ATG7: variants seen among roughly 807,000 people sequenced by gnomAD.
ATG7 encodes autophagy related 7.
Under a neutral mutation model 82.4 loss-of-function variants are expected in ATG7, and 70 were observed. That is an observed-to-expected ratio of 0.85 (90% CI 0.70 to 1.04). ATG7 has a LOEUF of 1.04. ATG7 is among the 50% of genes least tolerant of loss of function. The probability of loss-of-function intolerance (pLI) is 0.00; values close to 1 mark genes in which losing one functional copy is unlikely to be tolerated. For synonymous variants in ATG7, 287 were observed against 313.0 expected, an observed-to-expected ratio of 0.92 and a Z score of 0.88; for missense variants, 792 against 864.3, an observed-to-expected ratio of 0.92 and a Z score of 1.05.
chr3:11,395,644 G>A (rs367900538), intron 19 of ATG7, among the ~76,000 whole-genome samples: 5 of 152,108 alleles, frequency 3.3e-5, no homozygotes, highest in South Asian at 2.1e-4. Context: ...AGATAATACC[G>A]TTCAAGAATG....
chr3:11,324,975 T>G (rs1950662969), intron 9 of ATG7, among the ~76,000 whole-genome samples: 1 of 152,242 alleles, frequency 6.6e-6, no homozygotes. Flanking sequence ...CATAAGATTA[T>G]AATACTGTAT....
intron 20 of ATG7, among the ~76,000 whole-genome samples, chr3:11,521,501 C>T (rs2092440963): frequency 6.6e-6 from 1 of 151,846 alleles, no homozygotes; most frequent in African/African-American, 2.4e-5. Flanking sequence ...CCCTGGTCTG[C>T]TGCCAGGGCT....
downstream of ATG7, chr3:11,559,532 C>T: frequency 6.9e-7 from 1 of 1,447,178 alleles, no homozygotes; most frequent in Non-Finnish European, 9.1e-7. Context: ...TCCCCAGCAC[C>T]CTTCAGGCTC....
intron 11 of ATG7, among the ~76,000 whole-genome samples, chr3:11,333,494 C>A (rs1472689917): frequency 6.6e-6 from 1 of 152,082 alleles, no homozygotes; most frequent in African/African-American, 2.4e-5. Context: ...TATAGTAAAC[C>A]AGTCAGGAAA....
chr3:11,526,533 T>C (rs2092583300), intron 20 of ATG7, among the ~76,000 whole-genome samples: 1 of 152,212 alleles, frequency 6.6e-6, no homozygotes, highest in South Asian at 2.1e-4. Context: ...TCTACTACAT[T>C]TTGTCAAAGT....
intron 20 of ATG7, among the ~76,000 whole-genome samples, chr3:11,476,852 A>T (rs1159557154): frequency 6.6e-6 from 1 of 152,226 alleles, no homozygotes; most frequent in Non-Finnish European, 1.5e-5. Flanking sequence ...TGATCAAAAC[A>T]TGACTCCACT....
At chr3:11,305,974 A>G (rs1417998582) in intron 5 of ATG7, among the ~76,000 whole-genome samples, 1 of 152,240 alleles carries the variant, frequency 6.6e-6, no homozygotes, top group African/African-American at 2.4e-5. Context: ...GTAGGCTACT[A>G]ATGAAATGAA....
At chr3:11,426,712 T>C in intron 19 of ATG7, 92 bp from the exon 20 acceptor site, 1 of 1,255,578 alleles carries the variant, frequency 8.0e-7, no homozygotes, top group Non-Finnish European at 1.1e-6. Context: ...ATTTTAATTT[T>C]ATTTTTGACA....
At chr3:11,378,684 CCAAAA>C (rs1456992540) in intron 18 of ATG7, among the ~76,000 whole-genome samples, 1 of 23,002 alleles carries the variant, frequency 4.3e-5, no homozygotes, top group African/African-American at 1.2e-4. Context: ...GACTCCATCT[CCAAAA>C]AAAAAAAAAA....
At chr3:11,522,930 C>G (rs2092479426) in intron 20 of ATG7, among the ~76,000 whole-genome samples, 1 of 152,174 alleles carries the variant, frequency 6.6e-6, no homozygotes, top group South Asian at 2.1e-4. Flanking sequence ...CTACCAGCCG[C>G]ATGACCTCAA....
chr3:11,454,230 C>G (rs1308610935), intron 20 of ATG7, among the ~76,000 whole-genome samples: 1 of 152,176 alleles, frequency 6.6e-6, no homozygotes, highest in Non-Finnish European at 1.5e-5. Flanking sequence ...GTCTCACTCT[C>G]ATCCCATGTT....
intron 20 of ATG7, among the ~76,000 whole-genome samples, chr3:11,475,299 G>C (rs1037111925): frequency 1.3e-5 from 2 of 152,068 alleles, no homozygotes; most frequent in Non-Finnish European, 2.9e-5. Flanking sequence ...CACCCACAAA[G>C]CCCCTATCCA....
chr3:11,306,780 T>G (rs1029382456), intron 5 of ATG7, among the ~76,000 whole-genome samples, 163 bp from the exon 6 acceptor site: 2 of 152,146 alleles, frequency 1.3e-5, no homozygotes, highest in Non-Finnish European at 2.9e-5. Context: ...GTTTTTTAGT[T>G]CTTGAGTTAT....
At chr3:11,277,812 G>A (rs1942137258) in intron 1 of ATG7, among the ~76,000 whole-genome samples, 1 of 149,700 alleles carries the variant, frequency 6.7e-6, no homozygotes, top group South Asian at 2.1e-4. Context: ...AAGCTTGAGG[G>A]TACTGCAGGA....
intron 20 of ATG7, among the ~76,000 whole-genome samples, chr3:11,458,703 A>G (rs2085999288): frequency 1.3e-5 from 2 of 152,258 alleles, no homozygotes; most frequent in African/African-American, 4.8e-5. Context: ...CTATGAAAAT[A>G]AACGCACAGG....
rs138747256 is a variant in ATG7 at position 11,472,069 on chromosome 3, A to G, written c.2079+45143A>G. Among the ~76,000 whole-genome samples the G allele has an allele frequency of 6.5e-3, 993 of 152,272 alleles. 8 individuals carry two copies. The highest frequency in any genetic ancestry group is 0.021 in the African/African-American group (861 of 41,560). On this transcript the variant is annotated intron_variant, in intron 20 of 20. Transcript: ENST00000693202. ...GATAATTTCTTCAAGATTAAACTCT[A>G]CAAAATTATTATATTAGTCTCTTTT... is the stretch of plus-strand genomic sequence containing the variant.
intron 5 of ATG7, among the ~76,000 whole-genome samples, chr3:11,303,295 T>C (rs1444371734): frequency 1.3e-5 from 2 of 152,240 alleles, no homozygotes; most frequent in Non-Finnish European, 2.9e-5. Flanking sequence ...TAAAACGTTA[T>C]GTGTGCTTTC....
At chr3:11,381,330 C>T (rs2077883531) in intron 19 of ATG7, among the ~76,000 whole-genome samples, 1 of 151,984 alleles carries the variant, frequency 6.6e-6, no homozygotes, top group Non-Finnish European at 1.5e-5. Flanking sequence ...GTTGAGCTAA[C>T]TGGTCTCAAA....
chr3:11,395,939 CAAAAAAAAAAAAAA>C (rs869125190), intron 19 of ATG7, among the ~76,000 whole-genome samples: 7 of 25,528 alleles, frequency 2.7e-4, no homozygotes, highest in South Asian at 1.9e-3. Flanking sequence ...GACTCTGTCT[CAAAAAAAAAAAAAA>C]AAAAAAAAAA....
Sources: allele counts gnomAD v4.1 joint callset (sites outside exome capture counted in the v4.1 genomes callset), GRCh38; gene constraint gnomAD v4.1.1; transcripts MANE v1.5; gene names NCBI Gene and HGNC (gene_info 2026-07-23, HGNC 2026-07-21).